Variants in CCDC125 observed in about 807,000 individuals in gnomAD.
CCDC125 encodes the protein coiled-coil domain-containing protein 125.
CCDC125 carries 43 observed loss-of-function variants against 57.4 expected under a neutral mutation model. That is an observed-to-expected ratio of 0.75 (90% CI 0.59 to 0.97). The LOEUF is 0.97. Ranked by LOEUF, CCDC125 falls within the 50% of genes least tolerant of loss-of-function variation. The probability of loss-of-function intolerance (pLI) is 0.00; values close to 1 mark genes in which losing one functional copy is unlikely to be tolerated. For synonymous variants in CCDC125, 187 were observed against 195.2 expected, an observed-to-expected ratio of 0.96 and a Z score of 0.35; for missense variants, 563 against 595.7, an observed-to-expected ratio of 0.95 and a Z score of 0.57.
rs140840952 is a variant in CCDC125, at chr5:69,330,316, G to A, written c.-41+2333C>T. Among the ~76,000 whole-genome samples the A allele has an allele frequency of 5.3e-3, 804 of 152,192 alleles. 2 individuals carry two copies. Among genetic ancestry groups the A allele is most frequent in the African/African-American group, 8.7e-3 (361 of 41,506 alleles). On this transcript the variant is annotated intron_variant, in intron 1 of 11. Coordinates refer to ENST00000396496, the MANE Select transcript of CCDC125 (RefSeq NM_176816.5). ...CATCTTGCTCAAAAACAAATTCACC[G>A]CCGGGCACGGTGGCTCATGCCTGTA...
At chr5:69,276,977 G>A (rs1752217446), downstream of CCDC125, 1 of 768,820 alleles carries the variant, frequency 1.3e-6, no homozygotes, top group Non-Finnish European at 2.1e-6. Flanking sequence ...TGTTTAACAA[G>A]TGCTACTGGA....
At position 69,307,974 on chromosome 5, in the gene CCDC125, C is replaced by T. The variant is rs1443202900; in HGVS notation, c.508G>A (p.Glu170Lys). 6.2e-7 allele frequency: 1 copy of T among 1,613,880 alleles called. No homozygotes were observed. The highest frequency in any genetic ancestry group is 1.1e-5 in the South Asian group (1 of 91,074). ...ACCTTCTCCAAGGATCTGTTTTGTT[C>T]CATAGTTTTTTGAAGCACTGCCTGC... ...HTQAVLQKTMEQNRSLEKEIN... is the reference protein window; with the variant it reads ...HTQAVLQKTMKQNRSLEKEIN... Residue 170 changes from glutamate (E) to lysine (K), a missense_variant, in exon 5 of 12, where the codon GAA (glutamate) becomes AAA (lysine). Transcript: ENST00000396496.
intron 4 of CCDC125, 181 bp from the exon 5 acceptor site, chr5:69,308,209 T>C: frequency 1.7e-6 from 1 of 599,286 alleles, no homozygotes; most frequent in Middle Eastern, 4.4e-4. Flanking sequence ...TTGGTTTGGC[T>C]CTTTTCCAAT....
chr5:69,292,022 A>G (rs541986773), intron 10 of CCDC125, among the ~76,000 whole-genome samples, 166 bp downstream of exon 10: 1 of 152,336 alleles, frequency 6.6e-6, no homozygotes, highest in African/African-American at 2.4e-5. Context: ...GTAATATCCA[A>G]TGACTCCTTT....
intron 9 of CCDC125, among the ~76,000 whole-genome samples, chr5:69,293,433 C>T (rs939442665): frequency 6.6e-6 from 1 of 151,826 alleles, no homozygotes; most frequent in Non-Finnish European, 1.5e-5. Flanking sequence ...GGGTGGATCA[C>T]GAGGTCAGGA....
chr5:69,294,972 T>A, intron 8 of CCDC125, 72 bp from the exon 9 acceptor site: 1 of 1,257,288 alleles, frequency 8.0e-7, no homozygotes, highest in Non-Finnish European at 1.2e-6. Flanking sequence ...CACAGGGGCA[T>A]TTACACACAT....
chr5:69,300,081 T>C lies in CCDC125; in HGVS notation c.747A>G (p.Lys249=), dbSNP rs1756133237. Residue 249 remains lysine (K), a synonymous_variant, in exon 8 of 12, where the codon AAA becomes AAG. Coordinates refer to ENST00000396496, the MANE Select transcript of CCDC125 (RefSeq NM_176816.5). ...TGTTTTCCTGAGCCATCTTCTGCTG[T>C]TTGATATCAAGCATGGCGAGGGCCT... is the stretch of plus-strand genomic sequence containing the variant. ...YLEALAMLDI[K]QQKMAQENMC... 6.2e-7 allele frequency: 1 copy of C among 1,614,210 alleles called. No homozygotes were observed. The highest frequency in any genetic ancestry group is 8.5e-7 in the Non-Finnish European group (1 of 1,180,038).
chr5:69,301,605 A>G (rs1482289486), intron 7 of CCDC125, among the ~76,000 whole-genome samples: 1 of 152,052 alleles, frequency 6.6e-6, no homozygotes, highest in Admixed American at 6.6e-5. Flanking sequence ...GAATGATGGC[A>G]GGTGCCTATA....
chr5:69,299,951 G>C, intron 8 of CCDC125, 61 bp downstream of exon 8: 1 of 1,259,614 alleles, frequency 7.9e-7, no homozygotes, highest in South Asian at 1.2e-5. Flanking sequence ...AAGGGCAATG[G>C]GAGAAAGAAA....
Position 69,302,723 on chromosome 5 carries a change from CA to C in CCDC125, c.700+1123del, listed in dbSNP as rs796772184. ...CTGGCGATAAAGTGAGACTCTGTCTCAAAAAAAAAAAAAGTTAACATTAAAT... is the reference window on the plus strand; with the variant it reads ...CTGGCGATAAAGTGAGACTCTGTCTCAAAAAAAAAAAAGTTAACATTAAAT... On this transcript the variant is annotated intron_variant, in intron 7 of 11. Coordinates refer to ENST00000396496, the MANE Select transcript of CCDC125 (RefSeq NM_176816.5). Among the ~76,000 whole-genome samples, 760 of 130,444 alleles carry C rather than the reference CA, an allele frequency of 5.8e-3. 2 individuals are homozygous for C. Among genetic ancestry groups the C allele is most frequent in the Middle Eastern group, 0.031 (8 of 258 alleles). 85.6% of individuals were successfully genotyped at this position (130,444 alleles called of 152,430 possible). A position where few individuals can be genotyped will look rare whatever the true frequency, so the allele number is the denominator to read the frequency against.
intron 9 of CCDC125, chr5:69,294,091 T>C (rs1375607942): frequency 4.2e-6 from 4 of 961,068 alleles, no homozygotes; most frequent in East Asian, 2.3e-4. Flanking sequence ...CAAAGGTTCC[T>C]TTCACTGTGC....
chr5:69,297,617 G>A (rs1004502697), intron 8 of CCDC125, among the ~76,000 whole-genome samples: 4 of 151,416 alleles, frequency 2.6e-5, no homozygotes, highest in East Asian at 2.0e-4. Flanking sequence ...CTCAGCCCCC[G>A]CAAAGTGCTG....
chr5:69,284,594 A>G (rs1446906601), intron 11 of CCDC125, among the ~76,000 whole-genome samples: 1 of 152,170 alleles, frequency 6.6e-6, no homozygotes, highest in Non-Finnish European at 1.5e-5. Context: ...ACGAGAAAAG[A>G]TGAGCTGAGG....
In CCDC125 at chr5:69,282,694, A is replaced by G. The variant is rs1156871536; in HGVS notation, c.*35T>C. The G allele has an allele frequency of 6.7e-7, 1 of 1,500,568 alleles. No homozygotes were observed. The highest frequency in any genetic ancestry group is 9.0e-7 in the Non-Finnish European group (1 of 1,116,142). The allele number at this position is 1,500,568 out of a possible 1,614,324, so 93.0% of individuals were successfully genotyped here. ...TCATTTTTCAAAGTATCTCGATATA[A>G]ACAACTCTCAGTTCCAATTTCAACT... On this transcript the variant is annotated 3_prime_UTR_variant, in exon 12 of 12. Transcript: ENST00000396496.
At chr5:69,278,133 C>G (rs186033222), downstream of CCDC125, among the ~76,000 whole-genome samples, 163 of 152,110 alleles carry the variant, frequency 1.1e-3, 1 homozygote, top group Middle Eastern at 3.4e-3. Flanking sequence ...CTGCCCACCT[C>G]GGCTTCCCAA....
chr5:69,286,202 A>G (rs1301147949), intron 10 of CCDC125, among the ~76,000 whole-genome samples: 1 of 81,174 alleles, frequency 1.2e-5, no homozygotes, highest in African/African-American at 4.4e-5. Flanking sequence ...ATATATATAT[A>G]TATATATATA....
chr5:69,307,995 C>T lies in CCDC125; in HGVS notation c.487G>A (p.Ala163Thr). 1 of 1,613,972 alleles carries T rather than the reference C, an allele frequency of 6.2e-7. No individual in the cohort carries two copies. Among genetic ancestry groups the T allele is most frequent in the Non-Finnish European group, 8.5e-7 (1 of 1,179,926 alleles). The change falls in exon 5 of 12, where the codon GCA becomes ACA. Residue 163 changes from alanine (A) to threonine (T), a missense_variant. Transcript: ENST00000396496. ...TGTTCCATAGTTTTTTGAAGCACTG[C>T]CTGCGTATGACTTGTGGCTTTGCCC... ...ILGKATSHTQ[A>T]VLQKTMEQNR...
At chr5:69,328,906 G>A (rs1761058555) in intron 1 of CCDC125, among the ~76,000 whole-genome samples, 1 of 151,310 alleles carries the variant, frequency 6.6e-6, no homozygotes, top group African/African-American at 2.4e-5. Flanking sequence ...CCATTCTCCT[G>A]CCTCAGCCTC....
chr5:69,291,079 C>T (rs1754381973), intron 10 of CCDC125, among the ~76,000 whole-genome samples: 1 of 152,124 alleles, frequency 6.6e-6, no homozygotes, highest in Admixed American at 6.6e-5. Context: ...TTTAGAAATA[C>T]AGTCATCCTA....
Sources: gnomAD v4.1 joint callset for allele counts (sites outside exome capture counted in the v4.1 genomes callset) on GRCh38, gnomAD v4.1.1 for gene constraint, MANE v1.5 for transcripts, NCBI Gene and HGNC (gene_info 2026-07-23, HGNC 2026-07-21) for gene names.